Variants in TSEN2 observed in about 807,000 individuals in gnomAD.
TSEN2 encodes tRNA-splicing endonuclease subunit Sen2.
A neutral mutation model predicts 59.2 loss-of-function variants in TSEN2; 54 were observed. That is an observed-to-expected ratio of 0.91 (90% confidence interval 0.73 to 1.14). The LOEUF (loss-of-function observed/expected upper bound fraction) is 1.14, where lower values mean the gene tolerates loss of function less well. Ranked by LOEUF, TSEN2 falls within the 50% of genes most tolerant of loss-of-function variation. TSEN2 has a pLI of 0.00. For synonymous variants in TSEN2, 195 were observed against 198.2 expected, an observed-to-expected ratio of 0.98 and a Z score of 0.14; for missense variants, 636 against 576.2, an observed-to-expected ratio of 1.10 and a Z score of -1.06.
At position 12,533,329 on chromosome 3, in the gene TSEN2, T is replaced by A. The variant is rs1404540889; in HGVS notation, c.*608T>A. The A allele has an allele frequency of 6.5e-6, 1 of 154,706 alleles. No individual in the cohort carries two copies. The highest frequency in any genetic ancestry group is 1.4e-5 in the Non-Finnish European group (1 of 69,696). 9.6% of individuals were successfully genotyped at this position (154,706 alleles called of 1,614,324 possible). A position where few individuals can be genotyped will look rare whatever the true frequency, so the allele number is the denominator to read the frequency against. On this transcript the variant is annotated 3_prime_UTR_variant, in exon 12 of 12. Transcript: ENST00000284995. Reference sequence around the variant, plus strand: ...TAATTGGTGAGAAAGTCATGAAGACTTAAGTTGCCTCAGGGCATCTGGTGG... The same window carrying A: ...TAATTGGTGAGAAAGTCATGAAGACATAAGTTGCCTCAGGGCATCTGGTGG...
chr3:12,500,606 A>G (rs1476018606), intron 4 of TSEN2, among the ~76,000 whole-genome samples: 2 of 152,184 alleles, frequency 1.3e-5, no homozygotes, highest in East Asian at 1.9e-4. Context: ...TCAAGATACC[A>G]TATATTGAGT....
chr3:12,485,458 C>G (rs141652238), intron 1 of TSEN2, among the ~76,000 whole-genome samples: 6 of 152,022 alleles, frequency 3.9e-5, no homozygotes, highest in African/African-American at 1.5e-4. Flanking sequence ...TGCGCCCGGC[C>G]CCTCCGAGTC....
intron 6 of TSEN2, among the ~76,000 whole-genome samples, chr3:12,508,971 C>A (rs1409080431): frequency 6.6e-6 from 1 of 152,174 alleles, no homozygotes; most frequent in African/African-American, 2.4e-5. Flanking sequence ...AGGTATCCCA[C>A]CACCTTAGCC....
downstream of TSEN2, among the ~76,000 whole-genome samples, chr3:12,538,165 G>C (rs2057722204): frequency 1.3e-5 from 2 of 152,100 alleles, no homozygotes; most frequent in African/African-American, 4.8e-5. Context: ...TGGACTAAAT[G>C]CCTATTTGGA....
chr3:12,517,354 T>G (rs2056233918), intron 7 of TSEN2, among the ~76,000 whole-genome samples: 1 of 25,704 alleles, frequency 3.9e-5, no homozygotes, highest in Non-Finnish European at 7.5e-5. Flanking sequence ...CGAGACTCTG[T>G]CTCAAAAAAA....
intron 4 of TSEN2, among the ~76,000 whole-genome samples, chr3:12,502,805 G>A (rs2054431716): frequency 6.6e-6 from 1 of 151,556 alleles, no homozygotes; most frequent in Non-Finnish European, 1.5e-5. Flanking sequence ...CACACGCGGT[G>A]GCTCACACCT....
chr3:12,484,973 C>A (rs944670945), intron 1 of TSEN2, 93 bp downstream of exon 1: 5 of 152,270 alleles, frequency 3.3e-5, no homozygotes, highest in African/African-American at 1.2e-4. Context: ...GAGCGCTTTC[C>A]ACGTGGTAGG....
Position 12,529,465 on chromosome 3 carries a change from CA to C in TSEN2, c.1137-277del, listed in dbSNP as rs36043558. Among the ~76,000 whole-genome samples the C allele has an allele frequency of 0.018, 1,883 of 105,646 alleles. 37 individuals carry two copies. The highest frequency in any genetic ancestry group is 0.054 in the African/African-American group (1,602 of 29,426). 69.3% of individuals were successfully genotyped at this position (105,646 alleles called of 152,430 possible). A position where few individuals can be genotyped will look rare whatever the true frequency, so the allele number is the denominator to read the frequency against. On this transcript the variant is annotated intron_variant, in intron 9 of 11. Transcript: ENST00000284995. ...TGGGTGATAGAGCGAGACTCCGTCTCAAAAAAAAAAAAAAAAAAAATTAGTT... is the reference window on the plus strand; with the variant it reads ...TGGGTGATAGAGCGAGACTCCGTCTCAAAAAAAAAAAAAAAAAAATTAGTT...
At position 12,516,612 on chromosome 3, in the gene TSEN2, C is replaced by A; in HGVS notation, c.911C>A (p.Ala304Asp). 1 of 1,613,686 alleles carries A rather than the reference C, an allele frequency of 6.2e-7. No individual in the cohort carries two copies. The highest frequency in any genetic ancestry group is 8.5e-7 in the Non-Finnish European group (1 of 1,179,936). The change falls in exon 7 of 12, where the codon GCC becomes GAC. Residue 304 changes from alanine (A) to aspartate (D), a missense_variant and splice_region_variant. Ala to Asp is a moderately radical substitution (Grantham distance 126, BLOSUM62 -2). Coordinates refer to ENST00000284995, the MANE Select transcript of TSEN2 (RefSeq NM_025265.4). Reference sequence around the variant, plus strand: ...ATTTTCTGCTTGCTGTATTTTCAGGCCTTTTTCTTGGTCTATGCTCTGGGA... The same window carrying A: ...ATTTTCTGCTTGCTGTATTTTCAGGACTTTTTCTTGGTCTATGCTCTGGGA... ...FEYLQLSLEE[A>D]FFLVYALGCL...
intron 8 of TSEN2, among the ~76,000 whole-genome samples, chr3:12,520,712 C>T (rs1328898344): frequency 3.3e-5 from 5 of 151,810 alleles, no homozygotes; most frequent in Admixed American, 6.6e-5. Context: ...ATTGCTTGAT[C>T]CCGGGAGGCA....
At position 12,491,779 on chromosome 3, in the gene TSEN2, G is replaced by A. The variant is rs965479884; in HGVS notation, c.190-357G>A. Among the ~76,000 whole-genome samples the A allele has an allele frequency of 3.3e-5, 5 of 152,188 alleles. No homozygotes were observed. In the East Asian group the frequency reaches 7.7e-4, roughly 23 times the overall value. The stretch of plus-strand genomic sequence containing the variant: ...CCTCCATATCATGGGTTCCACTTCC[G>A]TGGATTCACCCAACCTTGGATTGAA... On this transcript the variant is annotated intron_variant, in intron 2 of 11. Coordinates refer to ENST00000284995, the MANE Select transcript of TSEN2 (RefSeq NM_025265.4).
At chr3:12,510,672 T>G (rs1335453944) in intron 6 of TSEN2, among the ~76,000 whole-genome samples, 2 of 152,186 alleles carry the variant, frequency 1.3e-5, no homozygotes, top group Non-Finnish European at 1.5e-5. Context: ...GTGCTTAGTG[T>G]CCATAATATG....
rs141034515 is a variant in TSEN2, at chr3:12,489,048, G to C, written c.-17-736G>C. Among the ~76,000 whole-genome samples the C allele has an allele frequency of 1.8e-3, 274 of 152,316 alleles. 3 individuals are homozygous for C. Among genetic ancestry groups the C allele is most frequent in the Admixed American group, 3.2e-3 (49 of 15,306 alleles). ...CTTTATGGATCTTAACTGTAAGATA[G>C]AGTCGTTCTTATCTTGATTTTGCAG... On this transcript the variant is annotated intron_variant, in intron 1 of 11. Coordinates refer to ENST00000284995, the MANE Select transcript of TSEN2 (RefSeq NM_025265.4).
intron 7 of TSEN2, among the ~76,000 whole-genome samples, chr3:12,518,575 G>A (rs2056349736): frequency 6.6e-6 from 1 of 152,148 alleles, no homozygotes; most frequent in African/African-American, 2.4e-5. Context: ...GGAGCCATGT[G>A]TATAATTTCA....
chr3:12,532,090 C>T (rs541330675), intron 11 of TSEN2, among the ~76,000 whole-genome samples: 8 of 152,306 alleles, frequency 5.3e-5, no homozygotes, highest in Non-Finnish European at 1.0e-4. Flanking sequence ...AGTGTGTGTC[C>T]GTGTTTCTGC....
upstream of TSEN2, among the ~76,000 whole-genome samples, chr3:12,484,265 G>A (rs2052349990): frequency 6.6e-6 from 1 of 152,262 alleles, no homozygotes; most frequent in East Asian, 1.9e-4. Flanking sequence ...TTGCAGGATC[G>A]TTCTGGCTTC....
chr3:12,485,281 C>CT (rs1372806278), intron 1 of TSEN2, among the ~76,000 whole-genome samples: 1 of 152,168 alleles, frequency 6.6e-6, no homozygotes, highest in African/African-American at 2.4e-5. Flanking sequence ...CCACCTCTCC[C>CT]TTTTTTGTTT....
At chr3:12,480,597 C>T (rs190846752), upstream of TSEN2, among the ~76,000 whole-genome samples, 433 of 127,374 alleles carry the variant, frequency 3.4e-3, 1 homozygote, top group African/African-American at 0.011. Flanking sequence ...GTGGCGCAAT[C>T]TCCGCTCACT....
downstream of TSEN2, among the ~76,000 whole-genome samples, chr3:12,536,895 C>T (rs1297094084): frequency 6.6e-6 from 1 of 151,704 alleles, no homozygotes; most frequent in Non-Finnish European, 1.5e-5. Context: ...CCCAGCTACT[C>T]AGGAAGCTGA....
Sources: gnomAD v4.1 joint callset for allele counts (sites outside exome capture counted in the v4.1 genomes callset) on GRCh38, gnomAD v4.1.1 for gene constraint, MANE v1.5 for transcripts, NCBI Gene and HGNC (gene_info 2026-07-23, HGNC 2026-07-21) for gene names.